Variants in EYS observed in about 807,000 individuals in gnomAD.
EYS encodes the protein EGF-like photoreceptor maintenance factor.
A neutral mutation model predicts 282.1 loss-of-function variants in EYS; 250 were observed. The observed-to-expected ratio is 0.89, with a 90% CI of 0.80 to 0.98. EYS has a LOEUF of 0.98. Ranked by LOEUF, EYS falls within the 50% of genes least tolerant of loss-of-function variation. The probability of loss-of-function intolerance (pLI) is 0.00; values close to 1 mark genes in which losing one functional copy is unlikely to be tolerated. For missense variants in EYS, 4,016 were observed against 3,709.0 expected (o/e 1.08, Z -2.15); for synonymous variants, 1,355 against 1,282.9 (o/e 1.06, Z -1.20).
intron 2 of EYS, among the ~76,000 whole-genome samples, chr6:65,523,831 T>C (rs1296201235): frequency 1.3e-5 from 2 of 152,128 alleles, no homozygotes; most frequent in African/African-American, 4.8e-5. Flanking sequence ...CTCAAGGATA[T>C]ATTCCAGACA....
At chr6:64,848,489 A>T (rs1157985860) in intron 19 of EYS, among the ~76,000 whole-genome samples, 1 of 152,066 alleles carries the variant, frequency 6.6e-6, no homozygotes. Flanking sequence ...GTTTTCAGTT[A>T]ACTGCATTGC....
chr6:63,731,645 T>C (rs1165402291), intron 41 of EYS, among the ~76,000 whole-genome samples: 3 of 152,220 alleles, frequency 2.0e-5, no homozygotes, highest in Non-Finnish European at 4.4e-5. Context: ...TTTTTTACCA[T>C]AAATTTGTAT....
At chr6:65,435,272 G>C (rs1768032243) in intron 5 of EYS, among the ~76,000 whole-genome samples, 2 of 152,022 alleles carry the variant, frequency 1.3e-5, no homozygotes, top group East Asian at 3.9e-4. Context: ...AATTATTTAT[G>C]ATGATAAAGC....
chr6:65,601,162 G>A (rs1157943517), intron 2 of EYS, among the ~76,000 whole-genome samples: 1 of 151,826 alleles, frequency 6.6e-6, no homozygotes, highest in African/African-American at 2.4e-5. Flanking sequence ...ATGGAAGCAA[G>A]TTTATTAGTG....
intron 29 of EYS, among the ~76,000 whole-genome samples, chr6:64,359,729 T>G (rs1216164492): frequency 6.6e-6 from 1 of 151,620 alleles, no homozygotes. Flanking sequence ...TTGAAGGAGA[T>G]AGAGATCTCT....
intron 26 of EYS, among the ~76,000 whole-genome samples, chr6:64,501,563 C>T (rs948712472): frequency 3.9e-4 from 60 of 151,978 alleles, no homozygotes; most frequent in African/African-American, 1.4e-3. Flanking sequence ...TAGTGAGTAC[C>T]TATTAACTGA....
intron 29 of EYS, among the ~76,000 whole-genome samples, chr6:64,317,129 A>G (rs1770002371): frequency 6.6e-6 from 1 of 152,154 alleles, no homozygotes; most frequent in Non-Finnish European, 1.5e-5. Context: ...AATCTAGGCA[A>G]TACCATTCAG....
At chr6:63,757,446 A>G (rs1769518703) in intron 41 of EYS, among the ~76,000 whole-genome samples, 1 of 152,112 alleles carries the variant, frequency 6.6e-6, no homozygotes, top group Admixed American at 6.6e-5. Flanking sequence ...ATAGACCCTT[A>G]TCAGGAGTTT....
At chr6:64,122,135 T>G (rs1357584937) in intron 31 of EYS, among the ~76,000 whole-genome samples, 1 of 152,154 alleles carries the variant, frequency 6.6e-6, no homozygotes, top group African/African-American at 2.4e-5. Flanking sequence ...TTGCTTGAAG[T>G]AGCACTTCAA....
At chr6:65,694,391 A>ATTTTTT (rs139263235) in intron 1 of EYS, among the ~76,000 whole-genome samples, 1 of 145,374 alleles carries the variant, frequency 6.9e-6, no homozygotes. Flanking sequence ...GATTCTTCAT[A>ATTTTTT]TTTTTTTTTT....
At chr6:65,307,146 A>G (rs1419010498) in intron 11 of EYS, among the ~76,000 whole-genome samples, 1 of 147,836 alleles carries the variant, frequency 6.8e-6, no homozygotes, top group Non-Finnish European at 1.5e-5. Context: ...GCCTGGCCTC[A>G]CAGAGTTTCA....
intron 26 of EYS, among the ~76,000 whole-genome samples, chr6:64,488,235 C>G (rs893721490): frequency 3.3e-5 from 5 of 150,970 alleles, no homozygotes; most frequent in Middle Eastern, 6.8e-3. Flanking sequence ...TTAATTTGGC[C>G]AAATTCTAAG....
At chr6:64,151,333 A>ATATATATT (rs1217309656) in intron 31 of EYS, among the ~76,000 whole-genome samples, 5 of 102,150 alleles carry the variant, frequency 4.9e-5, no homozygotes, top group East Asian at 2.9e-4. Flanking sequence ...ATATATATAT[A>ATATATATT]TATATATATA....
intron 30 of EYS, among the ~76,000 whole-genome samples, chr6:64,268,373 T>C (rs1391889394): frequency 6.6e-6 from 1 of 152,124 alleles, no homozygotes; most frequent in African/African-American, 2.4e-5. Flanking sequence ...TTTTGGGGAA[T>C]AGAGATAGAG....
chr6:64,229,225 A>C (rs949662714), intron 31 of EYS, among the ~76,000 whole-genome samples: 1 of 152,172 alleles, frequency 6.6e-6, no homozygotes, highest in African/African-American at 2.4e-5. Flanking sequence ...CAGTGAGCCA[A>C]GATCATGCCA....
chr6:64,898,886 C>A (rs1208665544), intron 18 of EYS, among the ~76,000 whole-genome samples: 1 of 151,636 alleles, frequency 6.6e-6, no homozygotes, highest in Admixed American at 6.6e-5. Context: ...GTAAAGGGAT[C>A]AAGGCAACAA....
At position 65,399,549 on chromosome 6, in the gene EYS, TAGTC is replaced by T. The variant is rs372400525; in HGVS notation, c.1184+2925_1184+2928del. ...TCTTAGTAATTCAAAATCATTTTCATAGTCAGCAATATTACAGAAATATTTGATT... is the reference window on the plus strand; with the variant it reads ...TCTTAGTAATTCAAAATCATTTTCATAGCAATATTACAGAAATATTTGATT... On this transcript the variant is annotated intron_variant, in intron 7 of 42. Transcript: ENST00000503581. Among the ~76,000 whole-genome samples the T allele has an allele frequency of 3.9e-4, 59 of 152,160 alleles. 2 individuals are homozygous for T. In the East Asian group the frequency reaches 6.0e-3, roughly 15 times the overall value.
At chr6:64,312,227 G>A (rs148634493) in intron 29 of EYS, among the ~76,000 whole-genome samples, 3 of 152,140 alleles carry the variant, frequency 2.0e-5, no homozygotes, top group Non-Finnish European at 2.9e-5. Flanking sequence ...GGCTTGAGTA[G>A]GTGGTTTTAC....
intron 13 of EYS, among the ~76,000 whole-genome samples, chr6:65,009,054 T>C (rs1396009623): frequency 6.6e-6 from 1 of 152,162 alleles, no homozygotes; most frequent in Non-Finnish European, 1.5e-5. Flanking sequence ...GGGGCCATTA[T>C]ACACGTGAAC....
Sources: gnomAD v4.1 joint callset for allele counts (sites outside exome capture counted in the v4.1 genomes callset) on GRCh38, gnomAD v4.1.1 for gene constraint, MANE v1.5 for transcripts, NCBI Gene and HGNC (gene_info 2026-07-23, HGNC 2026-07-21) for gene names.